The following SORT1 variants were observed in gnomAD, a reference collection of about 807,000 sequenced individuals.
SORT1 encodes the protein sortilin.
Under a neutral mutation model 101.7 loss-of-function variants are expected in SORT1, and 39 were observed. The observed-to-expected ratio is 0.38, with a 90% CI of 0.30 to 0.50. The LOEUF is 0.50. SORT1 is among the 20% of genes least tolerant of loss of function. The pLI is 0.90. For missense variants in SORT1, 878 were observed against 1,040.4 expected, an observed-to-expected ratio of 0.84 and a Z score of 2.15; for synonymous variants, 396 against 393.7, an observed-to-expected ratio of 1.01 and a Z score of -0.07.
intron 17 of SORT1, among the ~76,000 whole-genome samples, chr1:109,315,152 C>T (rs1411199890): frequency 6.6e-6 from 1 of 152,166 alleles, no homozygotes; most frequent in Non-Finnish European, 1.5e-5. Context: ...GGCTGAATGA[C>T]TCTAGAACAG....
At chr1:109,370,798 A>G (rs1027680132) in intron 1 of SORT1, among the ~76,000 whole-genome samples, 1 of 152,194 alleles carries the variant, frequency 6.6e-6, no homozygotes, top group Non-Finnish European at 1.5e-5. Flanking sequence ...TTCCACAGGA[A>G]TACTTTGCAC....
At chr1:109,365,793 A>T (rs1279424682) in intron 3 of SORT1, among the ~76,000 whole-genome samples, 2 of 152,168 alleles carry the variant, frequency 1.3e-5, no homozygotes, top group Admixed American at 1.3e-4. Flanking sequence ...GTTGGCCTAA[A>T]GGTATTTGCT....
intron 1 of SORT1, chr1:109,397,178 C>T (rs550739417): frequency 3.3e-5 from 5 of 152,402 alleles, no homozygotes; most frequent in Admixed American, 6.5e-5. Context: ...CTCTCCCACC[C>T]GGAAAGTACT....
At chr1:109,332,531 C>T (rs1648533025) in intron 11 of SORT1, among the ~76,000 whole-genome samples, 1 of 152,126 alleles carries the variant, frequency 6.6e-6, no homozygotes, top group Non-Finnish European at 1.5e-5. Flanking sequence ...GATTATTCCA[C>T]TGGACCCCAG....
intron 5 of SORT1, among the ~76,000 whole-genome samples, chr1:109,353,004 A>G (rs1331942656): frequency 1.4e-5 from 2 of 141,172 alleles, no homozygotes; most frequent in African/African-American, 5.3e-5. Flanking sequence ...CCAGCAAGCT[A>G]GTTTCCTTCC....
At chr1:109,322,678 C>T (rs867080949) in intron 15 of SORT1, among the ~76,000 whole-genome samples, 8 of 152,034 alleles carry the variant, frequency 5.3e-5, no homozygotes, top group Admixed American at 2.0e-4. Context: ...TATAGGCGTG[C>T]GCCACCATGC....
At chr1:109,318,323 T>C (rs941918927) in intron 15 of SORT1, among the ~76,000 whole-genome samples, 3 of 152,212 alleles carry the variant, frequency 2.0e-5, no homozygotes, top group Non-Finnish European at 4.4e-5. Context: ...TGGCTAATTT[T>C]TTATTTTTAG....
At chr1:109,323,934 C>T (rs140874904) in intron 14 of SORT1, among the ~76,000 whole-genome samples, 7 of 152,266 alleles carry the variant, frequency 4.6e-5, no homozygotes, top group East Asian at 1.9e-4. Flanking sequence ...TCTATTTGAA[C>T]GTCTTATGGA....
rs534003721 is a variant in SORT1, at chr1:109,332,990, C to T, written c.1371+3250G>A. 1.3e-4 allele frequency among the ~76,000 whole-genome samples: 20 copies of T among 152,140 alleles called. No homozygotes were observed. The East Asian group carries it at 1.5e-3, about 12-fold the overall frequency. On this transcript the variant is annotated intron_variant, in intron 11 of 19. Transcript: ENST00000256637. ...GTCGCCAGGCTGGAGTGCAATGGTG[C>T]GGTCTCGGCTCACTGCAACCTCCGC...
chr1:109,320,547 T>G (rs1008887755), intron 15 of SORT1, among the ~76,000 whole-genome samples: 1 of 152,246 alleles, frequency 6.6e-6, no homozygotes, highest in African/African-American at 2.4e-5. Context: ...CTGGCATTGA[T>G]GAGCTGCTTC....
chr1:109,397,204 CA>C (rs1322869818), intron 1 of SORT1: 1 of 152,366 alleles, frequency 6.6e-6, no homozygotes, highest in African/African-American at 2.4e-5. Flanking sequence ...AGAGAGGACA[CA>C]CCTTTGCTTC....
At chr1:109,315,820 T>C (rs1483740904) in intron 17 of SORT1, among the ~76,000 whole-genome samples, 1 of 150,154 alleles carries the variant, frequency 6.7e-6, no homozygotes, top group Non-Finnish European at 1.5e-5. Context: ...TGCAGTGATA[T>C]GATCATGGCT....
intron 6 of SORT1, among the ~76,000 whole-genome samples, chr1:109,348,368 C>A (rs1476606713): frequency 2.0e-5 from 3 of 149,878 alleles, no homozygotes; most frequent in African/African-American, 7.4e-5. Context: ...CAGCAGCATC[C>A]TGGTTATTCA....
chr1:109,383,093 A>C (rs1652360154), intron 1 of SORT1, among the ~76,000 whole-genome samples: 2 of 152,218 alleles, frequency 1.3e-5, no homozygotes, highest in African/African-American at 4.8e-5. Flanking sequence ...TTGGAAAAAA[A>C]TCCAGTCATG....
intron 8 of SORT1, among the ~76,000 whole-genome samples, chr1:109,344,450 C>G (rs1046021077): frequency 2.0e-5 from 3 of 152,196 alleles, no homozygotes; most frequent in East Asian, 3.9e-4. Context: ...TGTGCTCCCC[C>G]CATACTGCCC....
chr1:109,320,729 T>C (rs1647569212), intron 15 of SORT1, among the ~76,000 whole-genome samples: 1 of 152,220 alleles, frequency 6.6e-6, no homozygotes, highest in Admixed American at 6.5e-5. Context: ...AAATTTTCCA[T>C]TATCACTTTT....
chr1:109,322,127 A>G (rs1428561453), intron 15 of SORT1, among the ~76,000 whole-genome samples: 1 of 151,160 alleles, frequency 6.6e-6, no homozygotes, highest in Non-Finnish European at 1.5e-5. Context: ...TGTTTGAGAC[A>G]GGGTCTCATC....
chr1:109,388,662 TG>T (rs1652726611), intron 1 of SORT1, among the ~76,000 whole-genome samples: 1 of 152,228 alleles, frequency 6.6e-6, no homozygotes. Context: ...TAACTGGTAA[TG>T]TGTCAGAAGC....
At chr1:109,391,115 G>C (rs968086223) in intron 1 of SORT1, among the ~76,000 whole-genome samples, 1 of 152,080 alleles carries the variant, frequency 6.6e-6, no homozygotes, top group African/African-American at 2.4e-5. Flanking sequence ...CAAGCTAGTA[G>C]CTTTTATTAG....
Sources: allele counts gnomAD v4.1 joint callset (sites outside exome capture counted in the v4.1 genomes callset), GRCh38; gene constraint gnomAD v4.1.1; transcripts MANE v1.5; gene names NCBI Gene and HGNC (gene_info 2026-07-23, HGNC 2026-07-21).